GRIN2B: variants seen among roughly 807,000 people sequenced by gnomAD.
GRIN2B encodes glutamate receptor ionotropic, NMDA 2B.
A neutral mutation model predicts 114.5 loss-of-function variants in GRIN2B; 5 were observed. That is an observed-to-expected ratio of 0.04 (90% CI 0.02 to 0.09). The LOEUF is 0.09. GRIN2B is among the 10% of genes least tolerant of loss of function. GRIN2B has a pLI of 1.00. For synonymous variants in GRIN2B, 787 were observed against 745.1 expected (o/e 1.06, Z -0.92); for missense variants, 1,108 against 1,943.5 (o/e 0.57, Z 8.08).
intron 3 of GRIN2B, among the ~76,000 whole-genome samples, chr12:13,863,263 C>A (rs1865776510): frequency 6.6e-6 from 1 of 152,178 alleles, no homozygotes; most frequent in East Asian, 1.9e-4. Flanking sequence ...CCATTTCATA[C>A]CCTTGTTATG....
intron 4 of GRIN2B, among the ~76,000 whole-genome samples, chr12:13,741,384 A>G (rs75604002): frequency 0.013 from 2,028 of 152,314 alleles, 42 homozygotes; most frequent in African/African-American, 0.045. Context: ...ATATGTTTAT[A>G]TACATGTGAG....
intron 4 of GRIN2B, among the ~76,000 whole-genome samples, chr12:13,706,507 C>T (rs771941941): frequency 6.6e-5 from 10 of 152,014 alleles, no homozygotes; most frequent in African/African-American, 1.7e-4. Flanking sequence ...TCCAGGACAC[C>T]GACATGCCTC....
chr12:13,935,996 GGCT>G (rs1208800316), intron 2 of GRIN2B, among the ~76,000 whole-genome samples: 1 of 152,152 alleles, frequency 6.6e-6, no homozygotes, highest in African/African-American at 2.4e-5. Context: ...ATAACACAGT[GGCT>G]GCACTGTGCT....
At chr12:13,929,528 G>C (rs1866982819) in intron 2 of GRIN2B, among the ~76,000 whole-genome samples, 1 of 152,200 alleles carries the variant, frequency 6.6e-6, no homozygotes, top group African/African-American at 2.4e-5. Flanking sequence ...ATTTCCATTA[G>C]TGCTGGATAT....
rs929166123 is a variant in GRIN2B at position 13,564,037 on chromosome 12, G to C, written c.3201C>G (p.Thr1067=). Residue 1067 remains threonine, a synonymous_variant, in exon 14 of 14, where the codon ACC becomes ACG. Transcript: ENST00000609686. The surrounding 1 kb of genome is among the most constrained non-coding windows in gnomAD (Gnocchi z 4.8). ...RSDVSDISTH[T]VTYGNIEGNA... is the part of the protein sequence containing the mutation. Reference sequence around the variant, plus strand: ...TGCCCTCGATGTTCCCATAGGTGACGGTGTGGGTTGAGATGTCAGAGACAT... The same window carrying C: ...TGCCCTCGATGTTCCCATAGGTGACCGTGTGGGTTGAGATGTCAGAGACAT... 1 of 1,614,108 alleles carries C rather than the reference G, an allele frequency of 6.2e-7. No individual in the cohort carries two copies.
chr12:13,975,434 C>T (rs1863003411), intron 2 of GRIN2B, among the ~76,000 whole-genome samples: 1 of 152,236 alleles, frequency 6.6e-6, no homozygotes, highest in African/African-American at 2.4e-5. Flanking sequence ...GTACAAAGCA[C>T]TGGTGCTAAA....
chr12:13,621,073 C>T (rs2136486870), intron 5 of GRIN2B, among the ~76,000 whole-genome samples: 1 of 151,746 alleles, frequency 6.6e-6, no homozygotes, highest in South Asian at 2.1e-4. Flanking sequence ...AATGAGTAAA[C>T]AACTAAAATT....
At chr12:13,961,039 C>T (rs960440536) in intron 2 of GRIN2B, among the ~76,000 whole-genome samples, 1 of 151,442 alleles carries the variant, frequency 6.6e-6, no homozygotes, top group African/African-American at 2.4e-5. Flanking sequence ...GCTGGTCATG[C>T]CGTCATTCGT....
At chr12:13,970,106 C>T (rs1867850724) in intron 2 of GRIN2B, among the ~76,000 whole-genome samples, 1 of 152,196 alleles carries the variant, frequency 6.6e-6, no homozygotes, top group African/African-American at 2.4e-5. Flanking sequence ...CTGCCTCGGC[C>T]TCCCAAGGGA....
rs1335986339 is a variant in GRIN2B at position 13,553,205 on chromosome 12, G to A, written c.*9578C>T. 6.6e-6 allele frequency: 1 copy of A among 152,266 alleles called. No individual in the cohort carries two copies. The highest frequency in any genetic ancestry group is 2.4e-5 in the African/African-American group (1 of 41,454). 9.4% of individuals were successfully genotyped at this position (152,266 alleles called of 1,614,324 possible). A position where few individuals can be genotyped will look rare whatever the true frequency, so the allele number is the denominator to read the frequency against. The stretch of plus-strand genomic sequence containing the variant: ...CTAAGTAGAGCCAAGAGAGGAGGAG[G>A]AAGGGTTAACAGGGCTTCAAGAATA... On this transcript the variant is annotated 3_prime_UTR_variant, in exon 14 of 14. Transcript: ENST00000609686.
chr12:13,599,211 T>A (rs1805478), intron 10 of GRIN2B, among the ~76,000 whole-genome samples: 2 of 151,934 alleles, frequency 1.3e-5, no homozygotes, highest in African/African-American at 4.8e-5. Context: ...GAAATCTCGA[T>A]GTGGAATCGT....
chr12:13,892,822 T>C (rs1866286011), intron 2 of GRIN2B, among the ~76,000 whole-genome samples: 1 of 152,194 alleles, frequency 6.6e-6, no homozygotes, highest in Non-Finnish European at 1.5e-5. Context: ...GGTTATCTAC[T>C]TAGCCTCCTA....
At chr12:13,940,283 G>A (rs576530681) in intron 2 of GRIN2B, among the ~76,000 whole-genome samples, 1 of 152,172 alleles carries the variant, frequency 6.6e-6, no homozygotes, top group Admixed American at 6.5e-5. Flanking sequence ...CATTTTGATG[G>A]GCTTTACCTC....
At chr12:13,860,427 C>T (rs1865733094) in intron 3 of GRIN2B, among the ~76,000 whole-genome samples, 2 of 152,186 alleles carry the variant, frequency 1.3e-5, no homozygotes, top group Admixed American at 1.3e-4. Flanking sequence ...CTCCCAGGTT[C>T]AAGCAATTCT....
chr12:13,922,944 CA>C (rs554728297), intron 2 of GRIN2B, among the ~76,000 whole-genome samples: 7 of 152,136 alleles, frequency 4.6e-5, no homozygotes, highest in Non-Finnish European at 1.0e-4. Context: ...CTTTTTGATA[CA>C]AAGACATTAA....
intron 5 of GRIN2B, among the ~76,000 whole-genome samples, chr12:13,623,082 C>T (rs781733342): frequency 6.6e-6 from 1 of 152,156 alleles, no homozygotes; most frequent in Non-Finnish European, 1.5e-5. Flanking sequence ...GGTATGTATG[C>T]GTGTTTCCTA....
intron 10 of GRIN2B, among the ~76,000 whole-genome samples, chr12:13,606,490 T>C (rs1949249300): frequency 6.6e-6 from 1 of 152,192 alleles, no homozygotes; most frequent in Non-Finnish European, 1.5e-5. Context: ...AATCTGTTCA[T>C]GAGAGATCCA....
intron 10 of GRIN2B, among the ~76,000 whole-genome samples, chr12:13,582,210 C>T (rs1806198): frequency 0.83 from 126,918 of 152,198 alleles, 53,951 homozygotes; most frequent in Non-Finnish European, 0.92. Flanking sequence ...CCCTTCACCT[C>T]CATGAAAGAA....
At chr12:13,710,561 C>T (rs569346540) in intron 4 of GRIN2B, among the ~76,000 whole-genome samples, 9 of 152,214 alleles carry the variant, frequency 5.9e-5, no homozygotes, top group Admixed American at 5.9e-4. Flanking sequence ...GTGCAAAAAT[C>T]ACAAGCATTC....
Sources: allele counts gnomAD v4.1 joint callset (sites outside exome capture counted in the v4.1 genomes callset), GRCh38; gene constraint gnomAD v4.1.1; non-coding constraint Gnocchi (gnomAD v3.1); transcripts MANE v1.5; gene names NCBI Gene and HGNC (gene_info 2026-07-23, HGNC 2026-07-21).